The following IPO11 variants were observed in gnomAD, a reference collection of about 807,000 sequenced individuals.
The protein encoded by IPO11 is importin-11.
Under a neutral mutation model 143.2 loss-of-function variants are expected in IPO11, and 66 were observed. That is an observed-to-expected ratio of 0.46 (90% CI 0.38 to 0.57). The LOEUF (loss-of-function observed/expected upper bound fraction) is 0.57, where lower values mean the gene tolerates loss of function less well. Ranked by LOEUF, IPO11 falls within the 20% of genes least tolerant of loss-of-function variation. IPO11 has a pLI of 0.00. For missense variants in IPO11, 1,026 were observed against 1,141.0 expected, an observed-to-expected ratio of 0.90 and a Z score of 1.45; for synonymous variants, 385 against 377.8, an observed-to-expected ratio of 1.02 and a Z score of -0.22.
chr5:62,573,392 T>G (rs997398118), intron 27 of IPO11, among the ~76,000 whole-genome samples: 4 of 152,242 alleles, frequency 2.6e-5, no homozygotes, highest in African/African-American at 9.6e-5. Context: ...CTATATTCTG[T>G]TTATCCTAAT....
intron 29 of IPO11, among the ~76,000 whole-genome samples, chr5:62,610,771 T>C (rs1375556995): frequency 6.6e-6 from 1 of 152,174 alleles, no homozygotes; most frequent in Non-Finnish European, 1.5e-5. Context: ...TCTTTTTTTT[T>C]CTTCTGTATT....
At chr5:62,607,476 A>G (rs1310925710) in intron 29 of IPO11, among the ~76,000 whole-genome samples, 1 of 152,096 alleles carries the variant, frequency 6.6e-6, no homozygotes, top group Non-Finnish European at 1.5e-5. Context: ...CAGAACTACT[A>G]TAAAGATAGA....
chr5:62,514,036 G>A (rs1433441042), intron 19 of IPO11, among the ~76,000 whole-genome samples: 2 of 145,360 alleles, frequency 1.4e-5, no homozygotes, highest in African/African-American at 5.2e-5. Flanking sequence ...GATGGGATGG[G>A]GGCCGGGACG....
At chr5:62,605,432 C>G in intron 29 of IPO11, among the ~76,000 whole-genome samples, 1 of 152,084 alleles carries the variant, frequency 6.6e-6, no homozygotes, top group Non-Finnish European at 1.5e-5. Flanking sequence ...TTCATTCAGC[C>G]TCTCTCTCTA....
chr5:62,546,552 C>T (rs747972548), intron 24 of IPO11, among the ~76,000 whole-genome samples: 1 of 151,918 alleles, frequency 6.6e-6, no homozygotes, highest in African/African-American at 2.4e-5. Flanking sequence ...ACATATGTAA[C>T]AAACCTGCAC....
chr5:62,552,884 C>T (rs946114689), intron 26 of IPO11, among the ~76,000 whole-genome samples: 3 of 152,132 alleles, frequency 2.0e-5, no homozygotes, highest in Non-Finnish European at 4.4e-5. Context: ...TATTTCTATA[C>T]ATACAGCATA....
rs1332846080 is a variant in IPO11 at position 62,464,468 on chromosome 5, G to GT, written c.517-2654dup. 3.8e-3 allele frequency among the ~76,000 whole-genome samples: 569 copies of GT among 149,762 alleles called. 4 individuals are homozygous for GT. Among genetic ancestry groups the GT allele is most frequent in the African/African-American group, 0.013 (531 of 40,792 alleles). Reference sequence around the variant, plus strand: ...ATTTTTTATTGTTGTTGTTTTCTTCGTTTTTTTTTGTTTGTTTTTGAGGCA... The same window carrying GT: ...ATTTTTTATTGTTGTTGTTTTCTTCGTTTTTTTTTTGTTTGTTTTTGAGGCA... On this transcript the variant is annotated intron_variant, in intron 5 of 29. Transcript: ENST00000325324.
chr5:62,559,623 G>GT (rs1339147031), intron 26 of IPO11, among the ~76,000 whole-genome samples: 1 of 151,710 alleles, frequency 6.6e-6, no homozygotes, highest in Non-Finnish European at 1.5e-5. Context: ...TCCATAAGAA[G>GT]TAATTCCTCA....
chr5:62,588,248 A>G (rs1247271649), intron 27 of IPO11, among the ~76,000 whole-genome samples: 1 of 149,506 alleles, frequency 6.7e-6, no homozygotes, highest in Admixed American at 6.6e-5. Context: ...TTTTTAATGT[A>G]CAGTGTCTTG....
intron 1 of IPO11, among the ~76,000 whole-genome samples, chr5:62,435,154 A>ATATG (rs1360146441): frequency 8.0e-5 from 5 of 62,728 alleles, no homozygotes; most frequent in African/African-American, 3.3e-4. Context: ...GTATATATGT[A>ATATG]TATATATGTA....
Position 62,458,001 on chromosome 5 carries a change from G to T in IPO11, c.516+6068G>T, listed in dbSNP as rs571445502. 2.4e-4 allele frequency among the ~76,000 whole-genome samples: 37 copies of T among 152,074 alleles called. No homozygotes were observed. The East Asian group carries it at 6.0e-3, about 25-fold the overall frequency. On this transcript the variant is annotated intron_variant, in intron 5 of 29. Coordinates refer to ENST00000325324, the MANE Select transcript of IPO11 (RefSeq NM_016338.5). The stretch of plus-strand genomic sequence containing the variant: ...GTCTCTACTAAAAATACAAAAATTA[G>T]CTGGGCGTGGTGGTGGGCGCCTGTA...
rs1745600334 is a variant in IPO11, at chr5:62,467,166, G to T, written c.552G>T (p.Leu184=). 1 of 1,611,210 alleles carries T rather than the reference G, an allele frequency of 6.2e-7. No individual in the cohort carries two copies. The highest frequency in any genetic ancestry group is 8.5e-7 in the Non-Finnish European group (1 of 1,179,410). ...ASGIYNFACS[L]WNHHTDTFLQ... Reference sequence around the variant, plus strand: ...GAATTTATAATTTTGCCTGCTCTCTGTGGAATCACCACACAGACACATTCC... The same window carrying T: ...GAATTTATAATTTTGCCTGCTCTCTTTGGAATCACCACACAGACACATTCC... The change falls in exon 6 of 30, where the codon CTG becomes CTT. Residue 184 remains leucine, a synonymous_variant. Coordinates refer to ENST00000325324, the MANE Select transcript of IPO11 (RefSeq NM_016338.5).
intron 28 of IPO11, among the ~76,000 whole-genome samples, chr5:62,595,680 A>G (rs1195181321): frequency 6.6e-6 from 1 of 152,140 alleles, no homozygotes; most frequent in Non-Finnish European, 1.5e-5. Context: ...ATTCTTTTGG[A>G]AGAAAGAAGA....
At chr5:62,446,074 G>A (rs1026412971) in intron 3 of IPO11, among the ~76,000 whole-genome samples, 1 of 152,294 alleles carries the variant, frequency 6.6e-6, no homozygotes, top group South Asian at 2.1e-4. Flanking sequence ...GGATTAGAGA[G>A]ATCATTTTTA....
At chr5:62,531,045 G>C (rs1742525791) in intron 22 of IPO11, among the ~76,000 whole-genome samples, 1 of 152,088 alleles carries the variant, frequency 6.6e-6, no homozygotes, top group African/African-American at 2.4e-5. Context: ...CCCTCTAGTA[G>C]TCTGCAGTGT....
intron 16 of IPO11, among the ~76,000 whole-genome samples, chr5:62,500,674 T>A (rs1323630457): frequency 6.6e-6 from 1 of 152,090 alleles, no homozygotes; most frequent in Non-Finnish European, 1.5e-5. Context: ...ATTCTTTGAT[T>A]TTTTTGTAGA....
intron 5 of IPO11, among the ~76,000 whole-genome samples, chr5:62,455,683 A>G (rs1267667264): frequency 6.6e-6 from 1 of 152,134 alleles, no homozygotes; most frequent in Non-Finnish European, 1.5e-5. Flanking sequence ...GGGGTGACAA[A>G]TTACGAAATC....
intron 3 of IPO11, among the ~76,000 whole-genome samples, chr5:62,449,553 A>G (rs571746440): frequency 2.3e-4 from 35 of 152,026 alleles, no homozygotes; most frequent in Middle Eastern, 3.4e-3. Flanking sequence ...TTACATCAAT[A>G]AAAGTGAACA....
At chr5:62,476,220 A>G (rs564471958) in intron 8 of IPO11, among the ~76,000 whole-genome samples, 1 of 152,342 alleles carries the variant, frequency 6.6e-6, no homozygotes, top group South Asian at 2.1e-4. Context: ...GAAGAGTATT[A>G]TTAGAGAGCA....
Sources: allele counts gnomAD v4.1 joint callset (sites outside exome capture counted in the v4.1 genomes callset), GRCh38; gene constraint gnomAD v4.1.1; transcripts MANE v1.5; gene names NCBI Gene and HGNC (gene_info 2026-07-23, HGNC 2026-07-21).